The following PRSS33 variants were observed in gnomAD, a reference collection of about 807,000 sequenced individuals.
PRSS33 encodes the protein serine protease 33, also known as protease, serine 33.
In PRSS33, 32 loss-of-function variants were observed where a neutral mutation model predicts 26.7. The observed-to-expected ratio is 1.20, with a 90% CI of 0.90 to 1.61. The LOEUF is 1.61. Among genes scored for constraint, PRSS33 ranks in the 40% most tolerant of loss-of-function variants. The pLI is 0.00. For synonymous variants in PRSS33, 192 were observed against 177.6 expected (o/e 1.08, Z -0.64); for missense variants, 450 against 396.3 (o/e 1.14, Z -1.15).
chr16:2,784,616 G>C lies in PRSS33; in HGVS notation c.*28C>G. ...AGGAGGCTGAGGGACCCCAGCAGCT[G>C]GCTCCAGGTCAGCCTCACCGGCTAG... On this transcript the variant is annotated 3_prime_UTR_variant, in exon 7 of 7. Coordinates refer to ENST00000682474, the MANE Select transcript of PRSS33 (RefSeq NM_152891.3). The C allele has an allele frequency of 1.3e-6, 2 of 1,546,866 alleles. No homozygotes were observed. The highest frequency in any genetic ancestry group is 1.8e-6 in the Non-Finnish European group (2 of 1,142,066).
rs769249795 is a variant in PRSS33 at position 2,785,014 on chromosome 16, C to T, written c.672G>A (p.Lys224=). ...SLCAGYPQGH[K]DACQGDSGGP... ...GCTGGGTGCACACCTGGCAGGCGTC[C>T]TTGTGGCCCTGGGGGTAGCCGGCAC... The change falls in exon 6 of 7, where the codon AAG becomes AAA. Residue 224 remains lysine (K), a synonymous_variant. Transcript: ENST00000682474. 3.2e-5 allele frequency: 51 copies of T among 1,596,808 alleles called. 1 individual carries two copies. In the African/African-American group the frequency reaches 6.0e-4, roughly 19 times the overall value.
chr16:2,786,635 C>A, intron 1 of PRSS33, 31 bp from the exon 2 acceptor site: 3 of 1,491,054 alleles, frequency 2.0e-6, no homozygotes, highest in Non-Finnish European at 2.8e-6. Context: ...AGAGGAGAGT[C>A]CTGGCCCAGG....
At chr16:2,785,192 T>G in intron 5 of PRSS33, 21 bp from the exon 6 acceptor site, 2 of 1,524,896 alleles carry the variant, frequency 1.3e-6, no homozygotes, top group Non-Finnish European at 1.8e-6. Flanking sequence ...AGGAGGGACC[T>G]CTGAGAGGAA....
Position 2,784,428 on chromosome 16 carries a change from G to T in PRSS33, c.*216C>A. 1 of 507,458 alleles carries T rather than the reference G, an allele frequency of 2.0e-6. No homozygotes were observed. The allele number at this position is 507,458 out of a possible 1,614,324, so 31.4% of individuals were successfully genotyped here. A position where few individuals can be genotyped will look rare whatever the true frequency, so the allele number is the denominator to read the frequency against. ...GGAGTGTGACTCCCTGGGACTCATGGCAGATTCCTGGATGAGGGTTGGTGG... is the reference window on the plus strand; with the variant it reads ...GGAGTGTGACTCCCTGGGACTCATGTCAGATTCCTGGATGAGGGTTGGTGG... On this transcript the variant is annotated 3_prime_UTR_variant, in exon 7 of 7. Transcript: ENST00000682474.
At position 2,785,527 on chromosome 16, in the gene PRSS33, TCCTC is replaced by T. The variant is rs2068863325; in HGVS notation, c.358_361del (p.Glu120ThrfsTer18). On this transcript the variant is annotated frameshift_variant, in exon 5 of 7. Transcript: ENST00000682474. LOFTEE classifies it high-confidence loss of function. The stretch of plus-strand genomic sequence containing the variant: ...CAGTGCCAGGTCGCCGCGGGCCCCG[TCCTC>T]GGAGTAGTCCGGGGGCAGCAGCACC... 2.0e-6 allele frequency: 3 copies of T among 1,524,152 alleles called. No homozygotes were observed. The allele number at this position is 1,524,152 out of a possible 1,614,324, so 94.4% of individuals were successfully genotyped here.
At position 2,786,033 on chromosome 16, in the gene PRSS33, A is replaced by G. The variant is rs1040422153; in HGVS notation, c.79+56T>C. ...CTGGGAGGCAGGTGTTGGTGGGGAG[A>G]CACGGGGCCGAGGTCCAGGAGGGGC... On this transcript the variant is annotated intron_variant, in intron 3 of 6. Coordinates refer to ENST00000682474, the MANE Select transcript of PRSS33 (RefSeq NM_152891.3). 3.1e-6 allele frequency: 5 copies of G among 1,611,822 alleles called. No individual in the cohort carries two copies. The Admixed American group carries it at 8.3e-5, about 27-fold the overall frequency.
rs1255129045 is a variant in PRSS33, at chr16:2,785,409, G to T, written c.480C>A (p.Cys160Ter). 2 of 1,446,398 alleles carry T rather than the reference G, an allele frequency of 1.4e-6. No homozygotes were observed. The highest frequency in any genetic ancestry group is 9.0e-7 in the Non-Finnish European group (1 of 1,111,374). The allele number at this position is 1,446,398 out of a possible 1,614,324, so 89.6% of individuals were successfully genotyped here. A position where few individuals can be genotyped will look rare whatever the true frequency, so the allele number is the denominator to read the frequency against. The change falls in exon 5 of 7, where the codon TGC becomes TGA. Residue 160 changes from cysteine to a stop codon, truncating the protein, a stop_gained. Transcript: ENST00000682474. LOFTEE classifies it high-confidence loss of function. ...PGARPPPGTPCRVTGWGSLRP... is the reference protein window; with the variant it reads ...PGARPPPGTP Reference sequence around the variant, plus strand: ...GGAGGCTGCCCCAGCCGGTGACCCGGCATGGTGTGCCGGGCGGCGGGCGGG... The same window carrying T: ...GGAGGCTGCCCCAGCCGGTGACCCGTCATGGTGTGCCGGGCGGCGGGCGGG...
Position 2,785,798 on chromosome 16 carries a change from C to T in PRSS33, c.242+1G>A. 1 of 1,594,206 alleles carries T rather than the reference C, an allele frequency of 6.3e-7. No homozygotes were observed. Among genetic ancestry groups the T allele is most frequent in the East Asian group, 2.2e-5 (1 of 44,650 alleles). Reference sequence around the variant, plus strand: ...CGCCTGGGCCCTCGGTGAGCGCTGACCTGGGGAAGCAGTGCGCCGCTGTCA... The same window carrying T: ...CGCCTGGGCCCTCGGTGAGCGCTGATCTGGGGAAGCAGTGCGCCGCTGTCA... On this transcript the variant is annotated splice_donor_variant, in intron 4 of 6. Coordinates refer to ENST00000682474, the MANE Select transcript of PRSS33 (RefSeq NM_152891.3). LOFTEE classifies it high-confidence loss of function.
At position 2,786,614 on chromosome 16, in the gene PRSS33, G is replaced by C. The variant is rs1407339355; in HGVS notation, c.-57-10C>G. The stretch of plus-strand genomic sequence containing the variant: ...GGGCTTGGACTCTGGTCTGGAGCCA[G>C]CAGGGAGAAGAGAGGAGAGTCCTGG... On this transcript the variant is annotated splice_polypyrimidine_tract_variant and intron_variant, in intron 1 of 6. Coordinates refer to ENST00000682474, the MANE Select transcript of PRSS33 (RefSeq NM_152891.3). 1.3e-6 allele frequency: 2 copies of C among 1,581,524 alleles called. No homozygotes were observed. Among genetic ancestry groups the C allele is most frequent in the East Asian group, 4.5e-5 (2 of 44,400 alleles).
chr16:2,784,749 C>G lies in PRSS33; in HGVS notation c.738G>C (p.Val246=). 1 of 1,608,786 alleles carries G rather than the reference C, an allele frequency of 6.2e-7. No homozygotes were observed. The highest frequency in any genetic ancestry group is 1.1e-5 in the South Asian group (1 of 89,952). Residue 246 remains valine (V), a synonymous_variant, in exon 7 of 7, where the codon GTG becomes GTC. Transcript: ENST00000682474. ...TCLQSGSWVL[V]GVVSWGKGCA... ...AACCCTTGCCCCAGCTCACCACGCC[C>G]ACCAGGACCCAGCTCCCAGACTGCA...
rs1186081558 is a variant in PRSS33 at position 2,787,514 on chromosome 16, GCC to G, written c.-58+17_-58+18del. Reference sequence around the variant, plus strand: ...ACTGGCTGCCCCTGCAGCCCCCACAGCCCCTGGCTTGCTCTCACCCTCACAGC... The same window carrying G: ...ACTGGCTGCCCCTGCAGCCCCCACAGCCTGGCTTGCTCTCACCCTCACAGC... On this transcript the variant is annotated intron_variant, in intron 1 of 6. Transcript: ENST00000682474. Among the ~76,000 whole-genome samples the G allele has an allele frequency of 1.4e-5, 2 of 138,310 alleles. No individual in the cohort carries two copies. The highest frequency in any genetic ancestry group is 3.1e-5 in the Non-Finnish European group (2 of 65,214). 90.7% of individuals were successfully genotyped at this position (138,310 alleles called of 152,430 possible).
At chr16:2,786,660 C>T (rs1465912510) in intron 1 of PRSS33, 56 bp from the exon 2 acceptor site, 17 of 1,201,920 alleles carry the variant, frequency 1.4e-5, no homozygotes, top group Non-Finnish European at 1.8e-5. Context: ...CCAATCCTCA[C>T]ACCAGCCCGT....
At chr16:2,786,413 C>T (rs2068874719) in intron 2 of PRSS33, 89 bp downstream of exon 2, 2 of 1,520,336 alleles carry the variant, frequency 1.3e-6, no homozygotes, top group Non-Finnish European at 1.8e-6. Flanking sequence ...AAGAGTGCTC[C>T]AGGGAGCCCG....
Position 2,786,495 on chromosome 16 carries a change from C to G in PRSS33, c.46+7G>C. The stretch of plus-strand genomic sequence containing the variant: ...GGCCCTCACCCCCAGTCCCTGTCCC[C>G]ACTCACCCAGCACCAGAAGGAGCAG... On this transcript the variant is annotated splice_region_variant and intron_variant, in intron 2 of 6. Coordinates refer to ENST00000682474, the MANE Select transcript of PRSS33 (RefSeq NM_152891.3). The G allele has an allele frequency of 1.9e-6, 3 of 1,613,342 alleles. No individual in the cohort carries two copies. Among genetic ancestry groups the G allele is most frequent in the Non-Finnish European group, 2.5e-6 (3 of 1,179,710 alleles).
Position 2,785,655 on chromosome 16 carries a change from C to T in PRSS33, c.243-9G>A. 6.8e-7 allele frequency: 1 copy of T among 1,480,510 alleles called. No individual in the cohort carries two copies. The highest frequency in any genetic ancestry group is 8.9e-7 in the Non-Finnish European group (1 of 1,120,820). The allele number at this position is 1,480,510 out of a possible 1,614,324, so 91.7% of individuals were successfully genotyped here. ...CAGCTGGCAGTGCCCTCCTGCAGGA[C>T]AGGAGCGGGGGACTACTTCCAGCAC... On this transcript the variant is annotated splice_polypyrimidine_tract_variant and intron_variant, in intron 4 of 6. Coordinates refer to ENST00000682474, the MANE Select transcript of PRSS33 (RefSeq NM_152891.3).
chr16:2,786,501 C>G lies in PRSS33; in HGVS notation c.46+1G>C. 3 of 1,613,408 alleles carry G rather than the reference C, an allele frequency of 1.9e-6. No homozygotes were observed. The highest frequency in any genetic ancestry group is 2.5e-6 in the Non-Finnish European group (3 of 1,179,720). ...CACCCCCAGTCCCTGTCCCCACTCA[C>G]CCAGCACCAGAAGGAGCAGGACCTG... On this transcript the variant is annotated splice_donor_variant, in intron 2 of 6. Coordinates refer to ENST00000682474, the MANE Select transcript of PRSS33 (RefSeq NM_152891.3). LOFTEE classifies it high-confidence loss of function.
Position 2,784,350 on chromosome 16 carries a change from G to A in PRSS33, c.*294C>T, listed in dbSNP as rs1054344482. ...GTTTGCCCATCACTGCGTGCCTTGCGCCCAGCCCTGGCCAGGGCCAAGAAA... is the reference window on the plus strand; with the variant it reads ...GTTTGCCCATCACTGCGTGCCTTGCACCCAGCCCTGGCCAGGGCCAAGAAA... On this transcript the variant is annotated 3_prime_UTR_variant, in exon 7 of 7. Coordinates refer to ENST00000682474, the MANE Select transcript of PRSS33 (RefSeq NM_152891.3). The A allele has an allele frequency of 2.5e-5, 7 of 285,672 alleles. No individual in the cohort carries two copies. The highest frequency in any genetic ancestry group is 1.4e-4 in the South Asian group (2 of 14,348). The allele number at this position is 285,672 out of a possible 1,614,324, so 17.7% of individuals were successfully genotyped here.
At position 2,783,980 on chromosome 16, in the gene PRSS33, C is replaced by G. The variant is rs965933785; in HGVS notation, c.*664G>C. Reference sequence around the variant, plus strand: ...AGCTTAAAGCACACATTTATTAAGTCACAACTTTGTAGGTCAGGAGTGGCT... The same window carrying G: ...AGCTTAAAGCACACATTTATTAAGTGACAACTTTGTAGGTCAGGAGTGGCT... On this transcript the variant is annotated 3_prime_UTR_variant, in exon 7 of 7. Transcript: ENST00000682474. 1 of 152,256 alleles carries G rather than the reference C, an allele frequency of 6.6e-6. No individual in the cohort carries two copies. Among genetic ancestry groups the G allele is most frequent in the Non-Finnish European group, 1.5e-5 (1 of 68,078 alleles). 9.4% of individuals were successfully genotyped at this position (152,256 alleles called of 1,614,324 possible). A position where few individuals can be genotyped will look rare whatever the true frequency, so the allele number is the denominator to read the frequency against.
In PRSS33 at chr16:2,784,425, A is replaced by G; in HGVS notation, c.*219T>C. The G allele has an allele frequency of 4.2e-6, 2 of 481,622 alleles. No homozygotes were observed. Among genetic ancestry groups the G allele is most frequent in the South Asian group, 5.5e-5 (2 of 36,306 alleles). 29.8% of individuals were successfully genotyped at this position (481,622 alleles called of 1,614,324 possible). ...TGGGGAGTGTGACTCCCTGGGACTC[A>G]TGGCAGATTCCTGGATGAGGGTTGG... On this transcript the variant is annotated 3_prime_UTR_variant, in exon 7 of 7. Coordinates refer to ENST00000682474, the MANE Select transcript of PRSS33 (RefSeq NM_152891.3).
Sources: allele counts gnomAD v4.1 joint callset (sites outside exome capture counted in the v4.1 genomes callset), GRCh38; gene constraint gnomAD v4.1.1; transcripts MANE v1.5; gene names NCBI Gene and HGNC (gene_info 2026-07-23, HGNC 2026-07-21).